Variants in PELI1 observed in about 807,000 individuals in gnomAD.
PELI1 encodes pellino E3 ubiquitin protein ligase 1, also known as E3 ubiquitin-protein ligase pellino homolog 1.
Under a neutral mutation model 41.3 loss-of-function variants are expected in PELI1, and 15 were observed. That is an observed-to-expected ratio of 0.36 (90% confidence interval 0.24 to 0.56). The LOEUF (loss-of-function observed/expected upper bound fraction) is 0.56, where lower values mean the gene tolerates loss of function less well. PELI1 is among the 20% of genes least tolerant of loss of function. The pLI is 0.82. For synonymous variants in PELI1, 178 were observed against 180.1 expected (o/e 0.99, Z 0.09); for missense variants, 403 against 525.5 (o/e 0.77, Z 2.28).
intron 3 of PELI1, among the ~76,000 whole-genome samples, chr2:64,101,572 G>A (rs543818587): frequency 4.6e-5 from 7 of 152,088 alleles, no homozygotes; most frequent in Non-Finnish European, 8.8e-5. Context: ...ACACAAAGAA[G>A]AGAATAATTA....
chr2:64,126,978 C>T (rs1681410050), intron 1 of PELI1, among the ~76,000 whole-genome samples: 1 of 152,104 alleles, frequency 6.6e-6, no homozygotes, highest in South Asian at 2.1e-4. Context: ...GCTTTGTAAG[C>T]TCAGTGACTG....
chr2:64,143,480 C>G (rs1296999721), intron 1 of PELI1: 1 of 152,112 alleles, frequency 6.6e-6, no homozygotes, highest in Non-Finnish European at 1.5e-5. Flanking sequence ...GAGCTTTTCA[C>G]GACCTCAGTT....
rs370258781 is a variant in PELI1, at chr2:64,094,942, A to G, written c.1017T>C (p.Val339=). The part of the protein sequence containing the change: ...KDRECPMCRS[V]GPYVPLWLGC... ...CAAGCCACAGAGGAACATAGGGACC[A>G]ACAGACCTACACATAGGACATTCAC... Residue 339 remains valine, a synonymous_variant, in exon 7 of 7, where the codon GTT becomes GTC. Transcript: ENST00000358912. The G allele has an allele frequency of 2.4e-5, 38 of 1,612,732 alleles. No homozygotes were observed. The South Asian group carries it at 3.2e-4, about 14-fold the overall frequency.
rs749031399 is a variant in PELI1, at chr2:64,108,238, ACC to A, written c.71_71+1del. 3 of 1,525,788 alleles carry A rather than the reference ACC, an allele frequency of 2.0e-6. No individual in the cohort carries two copies. The South Asian group carries it at 3.4e-5, about 17-fold the overall frequency. 94.5% of individuals were successfully genotyped at this position (1,525,788 alleles called of 1,614,324 possible). On this transcript the variant is annotated splice_donor_variant and coding_sequence_variant, in exon 2 of 7. Transcript: ENST00000358912. LOFTEE classifies it high-confidence loss of function. ...GTGTGTCATCAAATGGAGAAACCTTACCCTAAGACAATGAGTTCACCATATTT... is the reference window on the plus strand; with the variant it reads ...GTGTGTCATCAAATGGAGAAACCTTACTAAGACAATGAGTTCACCATATTT...
At chr2:64,141,691 C>A (rs1020579405) in intron 1 of PELI1, among the ~76,000 whole-genome samples, 7 of 152,190 alleles carry the variant, frequency 4.6e-5, no homozygotes, top group African/African-American at 1.4e-4. Flanking sequence ...AGAGGCTGAA[C>A]TTAAATCAAA....
rs138586296 is a variant in PELI1 at position 64,110,318 on chromosome 2, C to A, written c.-69-1939G>T. 2.7e-5 allele frequency among the ~76,000 whole-genome samples: 4 copies of A among 145,834 alleles called. 1 individual carries two copies. Among genetic ancestry groups the A allele is most frequent in the Admixed American group, 2.7e-4 (4 of 14,600 alleles). On this transcript the variant is annotated intron_variant, in intron 1 of 6. Coordinates refer to ENST00000358912, the MANE Select transcript of PELI1 (RefSeq NM_020651.4). The stretch of plus-strand genomic sequence containing the variant: ...GAGAGAGAGAACACTGCATTTATAA[C>A]GACAATTAGACTGACAGTGGAGTTC...
intron 1 of PELI1, 57 bp from the exon 2 acceptor site, chr2:64,108,436 G>T (rs1371580755): frequency 7.4e-6 from 5 of 671,322 alleles, no homozygotes; most frequent in Non-Finnish European, 1.1e-5. Context: ...TTTAAATAAA[G>T]ATGTTATTTT....
intron 1 of PELI1, among the ~76,000 whole-genome samples, chr2:64,140,264 C>T (rs1251722688): frequency 6.6e-6 from 1 of 152,112 alleles, no homozygotes; most frequent in African/African-American, 2.4e-5. Context: ...TGAAGATTAA[C>T]TGGAGGATGA....
intron 1 of PELI1, among the ~76,000 whole-genome samples, chr2:64,123,081 A>G (rs1182966340): frequency 1.3e-5 from 2 of 152,234 alleles, no homozygotes; most frequent in Non-Finnish European, 2.9e-5. Flanking sequence ...AGAACAGAGC[A>G]GTCAGCCAAT....
At chr2:64,117,481 T>A (rs1190031834) in intron 1 of PELI1, among the ~76,000 whole-genome samples, 1 of 139,810 alleles carries the variant, frequency 7.2e-6, no homozygotes, top group Non-Finnish European at 1.6e-5. Context: ...AAACTACATC[T>A]AAATCAAATA....
intron 4 of PELI1, among the ~76,000 whole-genome samples, chr2:64,098,134 T>C (rs1279852259): frequency 6.6e-6 from 1 of 152,176 alleles, no homozygotes; most frequent in East Asian, 1.9e-4. Flanking sequence ...GTAATGACAA[T>C]GAGAAGGAAG....
chr2:64,112,473 C>A (rs1022175788), intron 1 of PELI1, among the ~76,000 whole-genome samples: 24 of 152,114 alleles, frequency 1.6e-4, no homozygotes, highest in Non-Finnish European at 1.5e-4. Context: ...AACAAGAGTA[C>A]GGCTGGCATA....
At chr2:64,107,850 G>A (rs996640161) in intron 2 of PELI1, among the ~76,000 whole-genome samples, 1 of 152,050 alleles carries the variant, frequency 6.6e-6, no homozygotes, top group Non-Finnish European at 1.5e-5. Flanking sequence ...GCTAATTTTT[G>A]TGTTTTTAGT....
chr2:64,113,902 T>C (rs1680904719), intron 1 of PELI1, among the ~76,000 whole-genome samples: 1 of 152,136 alleles, frequency 6.6e-6, no homozygotes, highest in South Asian at 2.1e-4. Flanking sequence ...ACAAATGTTT[T>C]CTTTCATTAT....
At position 64,094,852 on chromosome 2, in the gene PELI1, A is replaced by G. The variant is rs1680172740; in HGVS notation, c.1107T>C (p.His369=). ...PPTHAFSPCG[H]VCSEKTTAYW... ...AGGCAGTTGTCTTTTCTGAACACAC[A>G]TGCCCACACGGGCTAAACGCATGGG... The change falls in exon 7 of 7, where the codon CAT becomes CAC. Residue 369 remains histidine (H), a synonymous_variant. Transcript: ENST00000358912. The G allele has an allele frequency of 6.2e-7, 1 of 1,614,108 alleles. No individual in the cohort carries two copies. The highest frequency in any genetic ancestry group is 8.5e-7 in the Non-Finnish European group (1 of 1,180,054).
At chr2:64,121,006 C>T (rs997761754) in intron 1 of PELI1, among the ~76,000 whole-genome samples, 2 of 152,190 alleles carry the variant, frequency 1.3e-5, no homozygotes, top group Non-Finnish European at 2.9e-5. Context: ...TCCCAGCATT[C>T]GGTAACTGTC....
rs1280102039 is a variant in PELI1 at position 64,108,329 on chromosome 2, C to G, written c.-19G>C. ...AAAACATGAGCTTGGCTGTCTTTCT[C>G]AAATCTTTGTTCACTGGTCAGGAGC... On this transcript the variant is annotated 5_prime_UTR_variant, in exon 2 of 7. Transcript: ENST00000358912. 6.5e-7 allele frequency: 1 copy of G among 1,544,688 alleles called. No homozygotes were observed. The highest frequency in any genetic ancestry group is 1.1e-5 in the South Asian group (1 of 89,390).
Position 64,129,539 on chromosome 2 carries a change from A to G in PELI1, c.-70+14542T>C, listed in dbSNP as rs1007770206. The stretch of plus-strand genomic sequence containing the variant: ...GTTTTGTCTAATTCCTCTTCTTAAT[A>G]CCTTTTCAAAAAGAGGACTTTATTT... On this transcript the variant is annotated intron_variant, in intron 1 of 6. Transcript: ENST00000358912. Among the ~76,000 whole-genome samples the G allele has an allele frequency of 2.0e-5, 3 of 152,272 alleles. No individual in the cohort carries two copies. In the East Asian group the frequency reaches 5.8e-4, roughly 29 times the overall value.
intron 1 of PELI1, among the ~76,000 whole-genome samples, chr2:64,138,280 T>A (rs1159659598): frequency 6.6e-6 from 1 of 152,132 alleles, no homozygotes; most frequent in Non-Finnish European, 1.5e-5. Flanking sequence ...GTAGGCACGC[T>A]CCCATCTCAG....
Sources: gnomAD v4.1 joint callset for allele counts (sites outside exome capture counted in the v4.1 genomes callset) on GRCh38, gnomAD v4.1.1 for gene constraint, MANE v1.5 for transcripts, NCBI Gene and HGNC (gene_info 2026-07-23, HGNC 2026-07-21) for gene names.